Variants in SYN3 observed in about 807,000 individuals in gnomAD.
The protein encoded by SYN3 is synapsin III.
In SYN3, 35 loss-of-function variants were observed where a neutral mutation model predicts 65.8. That is an observed-to-expected ratio of 0.53 (90% CI 0.41 to 0.70). The LOEUF is 0.70. Ranked by LOEUF, SYN3 falls within the 30% of genes least tolerant of loss-of-function variation. The probability of loss-of-function intolerance (pLI) is 0.00; values close to 1 mark genes in which losing one functional copy is unlikely to be tolerated. For synonymous variants in SYN3, 270 were observed against 292.9 expected, an observed-to-expected ratio of 0.92 and a Z score of 0.80; for missense variants, 680 against 749.0, an observed-to-expected ratio of 0.91 and a Z score of 1.08.
At chr22:32,671,622 C>G (rs1458158970) in intron 6 of SYN3, among the ~76,000 whole-genome samples, 1 of 149,780 alleles carries the variant, frequency 6.7e-6, no homozygotes, top group Non-Finnish European at 1.5e-5. Context: ...CGCTCTCACA[C>G]AGGTATACAC....
intron 6 of SYN3, among the ~76,000 whole-genome samples, chr22:32,634,935 CTT>C (rs10683651): frequency 6.8e-6 from 1 of 147,496 alleles, no homozygotes. Flanking sequence ...TTTTTTGCAA[CTT>C]TTTTTTTTTT....
chr22:32,690,681 C>A (rs1355530450), intron 6 of SYN3, among the ~76,000 whole-genome samples: 2 of 152,196 alleles, frequency 1.3e-5, no homozygotes, highest in Non-Finnish European at 2.9e-5. Context: ...ACCTTCCCTG[C>A]ATCCCTCCAC....
Position 32,967,350 on chromosome 22 carries a change from T to C in SYN3, c.369+13295A>G, listed in dbSNP as rs529597488. Among the ~76,000 whole-genome samples, 4 of 152,324 alleles carry C rather than the reference T, an allele frequency of 2.6e-5. No individual in the cohort carries two copies. The South Asian group carries it at 6.2e-4, about 24-fold the overall frequency. On this transcript the variant is annotated intron_variant, in intron 3 of 13. Transcript: ENST00000358763. ...GTGCCTTAGAACTACTAAAATCCTA[T>C]GTGATACTAAAGATAGACATTGTAG... is the stretch of plus-strand genomic sequence containing the variant.
At chr22:32,531,896 C>CTTT (rs2058077433) in intron 10 of SYN3, among the ~76,000 whole-genome samples, 1 of 110,536 alleles carries the variant, frequency 9.0e-6, no homozygotes, top group Non-Finnish European at 1.7e-5. Flanking sequence ...TCCGAGCCCA[C>CTTT]TACTTTTACT....
chr22:32,974,443 A>G lies in SYN3; in HGVS notation c.369+6202T>C, dbSNP rs573970599. Among the ~76,000 whole-genome samples the G allele has an allele frequency of 6.6e-5, 10 of 152,364 alleles. No homozygotes were observed. In the South Asian group the frequency reaches 2.1e-3, roughly 32 times the overall value. ...AACCATACTTGTTCAAGAGGTAGAT[A>G]TTTGTAAAGAGTAGACTGGGACCTA... On this transcript the variant is annotated intron_variant, in intron 3 of 13. Transcript: ENST00000358763.
intron 4 of SYN3, among the ~76,000 whole-genome samples, chr22:32,874,503 G>A (rs1382624946): frequency 6.6e-6 from 1 of 152,246 alleles, no homozygotes; most frequent in Non-Finnish European, 1.5e-5. Context: ...GAGGCCAGAG[G>A]TGAAGTGACT....
intron 1 of SYN3, among the ~76,000 whole-genome samples, chr22:33,030,138 G>A (rs896741693): frequency 2.6e-5 from 4 of 152,170 alleles, no homozygotes; most frequent in Non-Finnish European, 5.9e-5. Flanking sequence ...CTGAGTTGGA[G>A]GCAGTTGGAG....
At chr22:32,631,994 G>C (rs2059753395) in intron 6 of SYN3, among the ~76,000 whole-genome samples, 1 of 152,198 alleles carries the variant, frequency 6.6e-6, no homozygotes, top group Non-Finnish European at 1.5e-5. Context: ...ACAAGACAGA[G>C]AGTGAAGAGC....
intron 4 of SYN3, among the ~76,000 whole-genome samples, chr22:32,917,024 G>A (rs1215025589): frequency 6.6e-6 from 1 of 152,164 alleles, no homozygotes; most frequent in African/African-American, 2.4e-5. Flanking sequence ...AGGGAAGGGT[G>A]TACAAGACTA....
intron 7 of SYN3, among the ~76,000 whole-genome samples, chr22:32,582,763 C>T (rs1233625039): frequency 2.0e-5 from 3 of 151,898 alleles, no homozygotes; most frequent in African/African-American, 7.3e-5. Context: ...AGCAAGGCTA[C>T]CGAAGAGCTC....
rs577275695 is a variant in SYN3, at chr22:32,783,341, A to G, written c.711+81574T>C. 6 of 152,354 alleles carry G rather than the reference A, an allele frequency of 3.9e-5. No individual in the cohort carries two copies. The East Asian group carries it at 1.2e-3, about 29-fold the overall frequency. The allele number at this position is 152,354 out of a possible 1,614,324, so 9.4% of individuals were successfully genotyped here. A position where few individuals can be genotyped will look rare whatever the true frequency, so the allele number is the denominator to read the frequency against. ...TACACTTGCTTCATCTAACCTGGACAGCATCTTCTAAGCCCCTGCTAAGTA... is the reference window on the plus strand; with the variant it reads ...TACACTTGCTTCATCTAACCTGGACGGCATCTTCTAAGCCCCTGCTAAGTA... On this transcript the variant is annotated intron_variant, in intron 6 of 13. Coordinates refer to ENST00000358763, the MANE Select transcript of SYN3 (RefSeq NM_003490.4).
intron 2 of SYN3, among the ~76,000 whole-genome samples, chr22:32,984,706 G>A (rs2052473455): frequency 6.6e-6 from 1 of 152,082 alleles, no homozygotes; most frequent in Non-Finnish European, 1.5e-5. Flanking sequence ...ATCCAAGGTA[G>A]GCATCTTTCG....
intron 6 of SYN3, among the ~76,000 whole-genome samples, chr22:32,664,197 C>G (rs1484654138): frequency 6.6e-6 from 1 of 152,198 alleles, no homozygotes; most frequent in Non-Finnish European, 1.5e-5. Context: ...GTCTAGCATT[C>G]TTCACCTAAT....
At chr22:32,945,843 A>G (rs2051090769) in intron 3 of SYN3, among the ~76,000 whole-genome samples, 3 of 152,244 alleles carry the variant, frequency 2.0e-5, no homozygotes, top group African/African-American at 4.8e-5. Flanking sequence ...ACAAATTTAC[A>G]AGAAAAAACC....
At position 32,518,160 on chromosome 22, in the gene SYN3, TG is replaced by T. The variant is rs2057810516; in HGVS notation, c.1492del (p.Gln498ArgfsTer45). On this transcript the variant is annotated frameshift_variant, in exon 13 of 14. Transcript: ENST00000358763. LOFTEE classifies it high-confidence loss of function. ...SRASSGSSPN[Q>X]ASKPGATLAS... ...GAGGGTGGCACCTGGCTTGGAGGCC[TG>T]GTTTGGGGAGCTGCCACTGGATGCC... 6.2e-7 allele frequency: 1 copy of T among 1,612,748 alleles called. No individual in the cohort carries two copies. Among genetic ancestry groups the T allele is most frequent in the South Asian group, 1.1e-5 (1 of 90,834 alleles).
intron 6 of SYN3, among the ~76,000 whole-genome samples, chr22:32,724,115 T>A (rs112135391): frequency 2.6e-5 from 4 of 152,318 alleles, no homozygotes; most frequent in African/African-American, 9.6e-5. Context: ...GTCCAAGTCA[T>A]CCAGCAAGGA....
chr22:32,581,079 C>A (rs993235058), intron 7 of SYN3, among the ~76,000 whole-genome samples: 39 of 152,132 alleles, frequency 2.6e-4, no homozygotes, highest in African/African-American at 9.4e-4. Flanking sequence ...TTAGGTTAAT[C>A]CCTTTTCCAC....
At chr22:32,685,579 A>G (rs1347845340) in intron 6 of SYN3, among the ~76,000 whole-genome samples, 1 of 152,216 alleles carries the variant, frequency 6.6e-6, no homozygotes, top group Non-Finnish European at 1.5e-5. Context: ...TCAGTAGTAC[A>G]TAGCATGCTG....
intron 7 of SYN3, among the ~76,000 whole-genome samples, chr22:32,553,450 G>C (rs2058446052): frequency 6.6e-6 from 1 of 152,172 alleles, no homozygotes; most frequent in African/African-American, 2.4e-5. Flanking sequence ...CTGGTGATAA[G>C]ATTTCTTTGT....
Sources: allele counts gnomAD v4.1 joint callset (sites outside exome capture counted in the v4.1 genomes callset), GRCh38; gene constraint gnomAD v4.1.1; transcripts MANE v1.5; gene names NCBI Gene and HGNC (gene_info 2026-07-23, HGNC 2026-07-21).